Variants in COL23A1 observed in about 807,000 individuals in gnomAD.
COL23A1 encodes collagen type XXIII alpha 1 chain.
In COL23A1, 97 loss-of-function variants were observed where a neutral mutation model predicts 99.3. That is an observed-to-expected ratio of 0.98 (90% confidence interval 0.83 to 1.16). The LOEUF is 1.16. Among genes scored for constraint, COL23A1 ranks in the 50% most tolerant of loss-of-function variants. The pLI, the probability that COL23A1 is intolerant of heterozygous loss-of-function variation, is 0.00. For missense variants in COL23A1, 762 were observed against 757.4 expected, an observed-to-expected ratio of 1.01 and a Z score of -0.07; for synonymous variants, 320 against 308.2, an observed-to-expected ratio of 1.04 and a Z score of -0.40.
intron 2 of COL23A1, among the ~76,000 whole-genome samples, chr5:178,484,504 T>G (rs1173082409): frequency 6.6e-6 from 1 of 151,956 alleles, no homozygotes; most frequent in African/African-American, 2.4e-5. Context: ...ATGTGACTAG[T>G]GTGTCTGGCT....
At chr5:178,351,867 T>G (rs1761346206) in intron 2 of COL23A1, 1 of 152,192 alleles carries the variant, frequency 6.6e-6, no homozygotes, top group African/African-American at 2.4e-5. Flanking sequence ...CCCGAAGGAC[T>G]GGCGCTCTTA....
intron 5 of COL23A1, among the ~76,000 whole-genome samples, chr5:178,273,258 T>C (rs1756396761): frequency 1.3e-5 from 2 of 152,204 alleles, no homozygotes; most frequent in Admixed American, 1.3e-4. Flanking sequence ...TGCTGCCGGC[T>C]GTTTCTGGAA....
rs369432851 is a variant in COL23A1 at position 178,338,029 on chromosome 5, T to A, written c.362-31110A>T. ...GAAGTGGCAGCCACTGTTATCTCCATGTTAGAGCAAGCTGAGAAACGGAGG... is the reference window on the plus strand; with the variant it reads ...GAAGTGGCAGCCACTGTTATCTCCAAGTTAGAGCAAGCTGAGAAACGGAGG... On this transcript the variant is annotated intron_variant, in intron 2 of 28. Transcript: ENST00000390654. Among the ~76,000 whole-genome samples, 5 of 152,228 alleles carry A rather than the reference T, an allele frequency of 3.3e-5. No homozygotes were observed. In the East Asian group the frequency reaches 7.7e-4, roughly 24 times the overall value.
chr5:178,530,204 T>C (rs1760566543), intron 2 of COL23A1, among the ~76,000 whole-genome samples: 1 of 152,158 alleles, frequency 6.6e-6, no homozygotes, highest in African/African-American at 2.4e-5. Context: ...GCTCAACCTA[T>C]AATCCCAGCA....
chr5:178,459,882 TAGAG>T (rs1316444676), intron 2 of COL23A1, among the ~76,000 whole-genome samples: 1 of 152,128 alleles, frequency 6.6e-6, no homozygotes, highest in African/African-American at 2.4e-5. Context: ...ACAAAACTAA[TAGAG>T]AGTGTTCTGT....
In COL23A1 at chr5:178,589,758, G is replaced by T; in HGVS notation, c.294+146C>A. On this transcript the variant is annotated intron_variant, in intron 1 of 28. Transcript: ENST00000390654. The surrounding 1 kb of genome is among the most constrained non-coding windows in gnomAD (Gnocchi z 5.4). ...CCTGCCTCCGCCTTGGCGCAGACGT[G>T]CCCATCTCTGGGACGGCCCCGAGCG... The T allele has an allele frequency of 2.5e-6, 2 of 799,264 alleles. No individual in the cohort carries two copies. Among genetic ancestry groups the T allele is most frequent in the Non-Finnish European group, 3.3e-6 (2 of 597,538 alleles). The allele number at this position is 799,264 out of a possible 1,614,324, so 49.5% of individuals were successfully genotyped here. A position where few individuals can be genotyped will look rare whatever the true frequency, so the allele number is the denominator to read the frequency against.
chr5:178,510,271 G>A (rs1419182261), intron 2 of COL23A1, among the ~76,000 whole-genome samples: 1 of 152,258 alleles, frequency 6.6e-6, no homozygotes, highest in South Asian at 2.1e-4. Context: ...CCTGGGCATG[G>A]TGGCTCACGC....
chr5:178,292,505 G>A (rs73342879), intron 3 of COL23A1, among the ~76,000 whole-genome samples: 309 of 152,320 alleles, frequency 2.0e-3, no homozygotes, highest in African/African-American at 6.9e-3. Flanking sequence ...AGAAACAGTG[G>A]GAGGTGGCTT....
At chr5:178,385,283 C>T (rs1038278277) in intron 2 of COL23A1, among the ~76,000 whole-genome samples, 4 of 152,170 alleles carry the variant, frequency 2.6e-5, no homozygotes, top group African/African-American at 9.7e-5. Flanking sequence ...CTAATGCTTC[C>T]CTCCCCCCAG....
Position 178,537,236 on chromosome 5 carries a change from T to C in COL23A1, c.361+23446A>G, listed in dbSNP as rs970288786. Among the ~76,000 whole-genome samples the C allele has an allele frequency of 3.3e-5, 5 of 152,110 alleles. No individual in the cohort carries two copies. The East Asian group carries it at 5.8e-4, about 18-fold the overall frequency. On this transcript the variant is annotated intron_variant, in intron 2 of 28. Transcript: ENST00000390654. ...TTCTCTTAGGGGGGTCTGGGGCTTG[T>C]AGACGTGCCATCAGGTTCCTGCGAG...
At chr5:178,348,160 C>G (rs80263847) in intron 2 of COL23A1, among the ~76,000 whole-genome samples, 2 of 152,116 alleles carry the variant, frequency 1.3e-5, no homozygotes, top group African/African-American at 4.8e-5. Flanking sequence ...ACGCCGCCCC[C>G]CGACTGGCCT....
chr5:178,448,131 G>A (rs1049098857), intron 2 of COL23A1, among the ~76,000 whole-genome samples: 3 of 151,820 alleles, frequency 2.0e-5, no homozygotes, highest in African/African-American at 7.3e-5. Flanking sequence ...TGTTCTGTTA[G>A]TGCTAGTCGC....
chr5:178,305,762 T>A (rs1217245036), intron 3 of COL23A1, among the ~76,000 whole-genome samples: 1 of 146,216 alleles, frequency 6.8e-6, no homozygotes, highest in Non-Finnish European at 1.5e-5. Flanking sequence ...GCGTGGGGGG[T>A]GATGAGAGCT....
At chr5:178,269,853 A>G (rs1333996424) in intron 6 of COL23A1, among the ~76,000 whole-genome samples, 25 of 152,104 alleles carry the variant, frequency 1.6e-4, no homozygotes, top group Admixed American at 1.6e-3. Context: ...CCATCCATCC[A>G]TCCACCTCAA....
At chr5:178,470,328 G>A (rs1032563023) in intron 2 of COL23A1, among the ~76,000 whole-genome samples, 1 of 152,172 alleles carries the variant, frequency 6.6e-6, no homozygotes, top group Non-Finnish European at 1.5e-5. Context: ...CCTTAGCCAG[G>A]AGCCAGTGTC....
At chr5:178,285,938 G>A (rs1222172631) in intron 5 of COL23A1, among the ~76,000 whole-genome samples, 1 of 152,248 alleles carries the variant, frequency 6.6e-6, no homozygotes, top group Non-Finnish European at 1.5e-5. Context: ...GCTGAGCGGG[G>A]TGTCTGCCCC....
At chr5:178,588,204 T>C (rs1203640729) in intron 1 of COL23A1, among the ~76,000 whole-genome samples, 1 of 152,170 alleles carries the variant, frequency 6.6e-6, no homozygotes, top group Non-Finnish European at 1.5e-5. Flanking sequence ...TAAAATTCAG[T>C]GCAGCCGGGA....
At chr5:178,475,921 C>T (rs534263205) in intron 2 of COL23A1, among the ~76,000 whole-genome samples, 2 of 152,262 alleles carry the variant, frequency 1.3e-5, no homozygotes, top group East Asian at 3.9e-4. Context: ...CCTTGGACAT[C>T]GTCTATCTCT....
chr5:178,277,294 A>C lies in COL23A1; in HGVS notation c.442-6931T>G, dbSNP rs574540017. Reference sequence around the variant, plus strand: ...GGCAGGAGGATTGCTTAAACCGTGGAGGTTGAGGCTGCAGTGAGCTATGAT... The same window carrying C: ...GGCAGGAGGATTGCTTAAACCGTGGCGGTTGAGGCTGCAGTGAGCTATGAT... On this transcript the variant is annotated intron_variant, in intron 5 of 28. Coordinates refer to ENST00000390654, the MANE Select transcript of COL23A1 (RefSeq NM_173465.4). 6.6e-4 allele frequency among the ~76,000 whole-genome samples: 101 copies of C among 151,926 alleles called. 2 individuals are homozygous for C. Among genetic ancestry groups the C allele is most frequent in the African/African-American group, 2.3e-3 (96 of 41,404 alleles).
Sources: gnomAD v4.1 joint callset for allele counts (sites outside exome capture counted in the v4.1 genomes callset) on GRCh38, gnomAD v4.1.1 for gene constraint, Gnocchi (gnomAD v3.1) non-coding constraint, MANE v1.5 for transcripts, NCBI Gene and HGNC (gene_info 2026-07-23, HGNC 2026-07-21) for gene names.